MET: variants seen among roughly 807,000 people sequenced by gnomAD.
MET encodes the protein hepatocyte growth factor receptor.
A neutral mutation model predicts 133.1 loss-of-function variants in MET; 48 were observed. The ratio of observed to expected loss-of-function variants is 0.36; its 90% CI spans 0.29 to 0.46. MET has a LOEUF of 0.46. MET is among the 20% of genes least tolerant of loss of function. The probability of loss-of-function intolerance (pLI) is 1.00; values close to 1 mark genes in which losing one functional copy is unlikely to be tolerated. For synonymous variants in MET, 628 were observed against 616.5 expected (o/e 1.02, Z -0.28); for missense variants, 1,442 against 1,695.9 (o/e 0.85, Z 2.63).
intron 1 of MET, among the ~76,000 whole-genome samples, chr7:116,674,323 A>G (rs1796078030): frequency 6.6e-6 from 1 of 152,196 alleles, no homozygotes; most frequent in South Asian, 2.1e-4. Flanking sequence ...TAAACCTATA[A>G]TAGAGAAAAA....
intron 2 of MET, among the ~76,000 whole-genome samples, chr7:116,728,709 T>G (rs940461813): frequency 1.3e-5 from 2 of 152,166 alleles, no homozygotes; most frequent in African/African-American, 4.8e-5. Flanking sequence ...GCCTACTGGG[T>G]GCTAGGCATA....
rs1309165130 is a variant in MET, at chr7:116,672,535, C to G, written c.-57C>G. ...GGGAGGCGCGGAGCGCGCGTGTGGT[C>G]CTTGCGCCGCTGACTTCTCCACTGG... On this transcript the variant is annotated 5_prime_UTR_variant, in exon 1 of 21. Transcript: ENST00000397752. 5.0e-6 allele frequency: 2 copies of G among 397,342 alleles called. No individual in the cohort carries two copies. The highest frequency in any genetic ancestry group is 2.1e-5 in the African/African-American group (1 of 48,574). 24.6% of individuals were successfully genotyped at this position (397,342 alleles called of 1,614,324 possible). A position where few individuals can be genotyped will look rare whatever the true frequency, so the allele number is the denominator to read the frequency against.
In MET at chr7:116,759,497, C is replaced by G. The variant is rs199761112; in HGVS notation, c.2364+7C>G. 1 of 1,611,740 alleles carries G rather than the reference C, an allele frequency of 6.2e-7. No individual in the cohort carries two copies. The highest frequency in any genetic ancestry group is 1.3e-5 in the African/African-American group (1 of 75,004). On this transcript the variant is annotated splice_region_variant and intron_variant, in intron 10 of 20. Transcript: ENST00000397752. ...AGGAAGGAACTTTACAGTGGTAAGT[C>G]CTTTGAGCAATGGTTCTACTCAGAG...
At chr7:116,729,932 C>T (rs188839163) in intron 2 of MET, among the ~76,000 whole-genome samples, 150 of 152,330 alleles carry the variant, frequency 9.8e-4, no homozygotes, top group Middle Eastern at 3.4e-3. Context: ...CAACTACTGG[C>T]AATACCATGG....
At chr7:116,724,458 C>A (rs1278589356) in intron 2 of MET, among the ~76,000 whole-genome samples, 2 of 152,198 alleles carry the variant, frequency 1.3e-5, no homozygotes, top group South Asian at 2.1e-4. Context: ...AGCTGTAGAC[C>A]GGAGCTGTTC....
chr7:116,767,980 G>A (rs1240962919), intron 11 of MET, among the ~76,000 whole-genome samples: 380 of 147,214 alleles, frequency 2.6e-3, no homozygotes, highest in African/African-American at 5.7e-3. Flanking sequence ...ATATATGTGT[G>A]TGTGTGTGTG....
chr7:116,684,025 C>T (rs1266240357), intron 1 of MET, among the ~76,000 whole-genome samples: 1 of 152,184 alleles, frequency 6.6e-6, no homozygotes, highest in Non-Finnish European at 1.5e-5. Context: ...CCACCACTTT[C>T]ATGTTGTCAG....
chr7:116,763,749 A>G (rs533951282), intron 11 of MET, among the ~76,000 whole-genome samples: 1 of 152,382 alleles, frequency 6.6e-6, no homozygotes, highest in Admixed American at 6.5e-5. Flanking sequence ...GGAACATATT[A>G]GCTTCTAAAT....
At chr7:116,713,984 A>G (rs922540644) in intron 2 of MET, among the ~76,000 whole-genome samples, 1 of 152,338 alleles carries the variant, frequency 6.6e-6, no homozygotes, top group East Asian at 1.9e-4. Context: ...TTATACTTCT[A>G]TGAGTAAGTG....
chr7:116,707,623 A>G (rs1791849416), intron 2 of MET, among the ~76,000 whole-genome samples: 1 of 152,178 alleles, frequency 6.6e-6, no homozygotes, highest in South Asian at 2.1e-4. Flanking sequence ...TCCGATTAAC[A>G]CTTGCATCTA....
chr7:116,718,585 G>C (rs1461424951), intron 2 of MET, among the ~76,000 whole-genome samples: 1 of 150,238 alleles, frequency 6.7e-6, no homozygotes, highest in Non-Finnish European at 1.5e-5. Context: ...CTGGTGTGCT[G>C]CACCCACTAA....
chr7:116,788,337 G>A lies in MET; in HGVS notation c.3798+4868G>A, dbSNP rs527568562. Among the ~76,000 whole-genome samples, 72 of 152,150 alleles carry A rather than the reference G, an allele frequency of 4.7e-4. 2 individuals are homozygous for A. The South Asian group carries it at 0.014, about 30-fold the overall frequency. On this transcript the variant is annotated intron_variant, in intron 19 of 20. Transcript: ENST00000397752. ...AAACATCACCAATCACTTAAAATTG[G>A]TGAGTTTTATGATCTATAAATTATA...
chr7:116,694,156 C>G (rs1261027459), intron 1 of MET, among the ~76,000 whole-genome samples: 1 of 152,130 alleles, frequency 6.6e-6, no homozygotes, highest in African/African-American at 2.4e-5. Flanking sequence ...AGGAAGGACA[C>G]AAAACGTTTC....
chr7:116,796,910 C>T lies in MET; in HGVS notation c.*786C>T, dbSNP rs935854365. On this transcript the variant is annotated 3_prime_UTR_variant, in exon 21 of 21. Coordinates refer to ENST00000397752, the MANE Select transcript of MET (RefSeq NM_000245.4). ...CTAGGATTACAGGCATGAGCCACTG[C>T]GCCCAGCCCTTATAAATTTTTGTAT... 8.5e-5 allele frequency: 15 copies of T among 177,382 alleles called. No individual in the cohort carries two copies. Among genetic ancestry groups the T allele is most frequent in the African/African-American group, 1.9e-4 (8 of 42,254 alleles). The allele number at this position is 177,382 out of a possible 1,614,324, so 11.0% of individuals were successfully genotyped here.
At chr7:116,697,446 G>A (rs745940688) in intron 1 of MET, among the ~76,000 whole-genome samples, 1 of 151,922 alleles carries the variant, frequency 6.6e-6, no homozygotes, top group Admixed American at 6.6e-5. Flanking sequence ...ATTGTATGAC[G>A]GTCTAGCTCA....
intron 1 of MET, among the ~76,000 whole-genome samples, chr7:116,686,523 C>T (rs1416649025): frequency 1.3e-5 from 2 of 152,118 alleles, no homozygotes; most frequent in African/African-American, 4.8e-5. Flanking sequence ...AATTGTTGTC[C>T]CCAGCTAAAA....
chr7:116,744,602 T>A (rs1358742985), intron 5 of MET, among the ~76,000 whole-genome samples: 1 of 152,176 alleles, frequency 6.6e-6, no homozygotes, highest in African/African-American at 2.4e-5. Context: ...TGGAACCAAG[T>A]TGGAAAACAC....
At chr7:116,743,374 C>T (rs535010118) in intron 5 of MET, among the ~76,000 whole-genome samples, 7 of 152,258 alleles carry the variant, frequency 4.6e-5, no homozygotes, top group Non-Finnish European at 7.4e-5. Context: ...GCCAGCAAGA[C>T]AGAACCATTC....
chr7:116,712,683 T>C (rs982542585), intron 2 of MET, among the ~76,000 whole-genome samples: 1 of 152,008 alleles, frequency 6.6e-6, no homozygotes, highest in African/African-American at 2.4e-5. Context: ...CACTATTACC[T>C]ATGCCCCTCC....
Sources: gnomAD v4.1 joint callset for allele counts (sites outside exome capture counted in the v4.1 genomes callset) on GRCh38, gnomAD v4.1.1 for gene constraint, MANE v1.5 for transcripts, NCBI Gene and HGNC (gene_info 2026-07-23, HGNC 2026-07-21) for gene names.